SV2C: variants seen among roughly 807,000 people sequenced by gnomAD.
The protein encoded by SV2C is synaptic vesicle glycoprotein 2C.
In SV2C, 49 loss-of-function variants were observed where a neutral mutation model predicts 79.7. The ratio of observed to expected loss-of-function variants is 0.61; its 90% CI spans 0.49 to 0.78. The LOEUF (loss-of-function observed/expected upper bound fraction) is 0.78. SV2C is among the 30% of genes least tolerant of loss of function. The probability of loss-of-function intolerance (pLI) is 0.00; values close to 1 mark genes in which losing one functional copy is unlikely to be tolerated. For missense variants in SV2C, 833 were observed against 912.9 expected, an observed-to-expected ratio of 0.91 and a Z score of 1.13; for synonymous variants, 334 against 333.2, an observed-to-expected ratio of 1.00 and a Z score of -0.03.
At chr5:76,132,975 A>C in intron 2 of SV2C, among the ~76,000 whole-genome samples, 1 of 151,870 alleles carries the variant, frequency 6.6e-6, no homozygotes, top group East Asian at 1.9e-4. Context: ...TAAATATATA[A>C]ATATTTAAAT....
chr5:76,199,621 C>A (rs974865808), intron 3 of SV2C, among the ~76,000 whole-genome samples: 1 of 152,216 alleles, frequency 6.6e-6, no homozygotes, highest in Non-Finnish European at 1.5e-5. Flanking sequence ...TTCAACATTG[C>A]TTAATCGCCC....
intron 9 of SV2C, 89 bp from the exon 10 acceptor site, chr5:76,298,705 G>A (rs775561368): frequency 7.6e-6 from 11 of 1,451,338 alleles, no homozygotes; most frequent in Non-Finnish European, 1.0e-5. Flanking sequence ...CCATAGTGGG[G>A]CATTCCATCT....
At chr5:76,173,953 C>A (rs113058744) in intron 2 of SV2C, 8 of 1,567,792 alleles carry the variant, frequency 5.1e-6, no homozygotes, top group Non-Finnish European at 6.2e-6. Flanking sequence ...CTAATGCAAA[C>A]CCTTGTCCAT....
chr5:76,353,337 G>A (rs1749679073), exon 13 of SV2C: 1 of 214,320 alleles, frequency 4.7e-6, no homozygotes, highest in African/African-American at 2.4e-5. Flanking sequence ...CTTTATTGTT[G>A]TCTTTTTTCT....
chr5:76,042,185 C>T, the SV2C span, among the ~76,000 whole-genome samples: 18 of 152,094 alleles, frequency 1.2e-4, 2 homozygotes, highest in Admixed American at 9.8e-4. Context: ...CTTAATAACA[C>T]CTTAAATATT....
intron 2 of SV2C, among the ~76,000 whole-genome samples, chr5:76,192,346 G>T (rs974619960): frequency 1.3e-5 from 2 of 152,174 alleles, no homozygotes; most frequent in Non-Finnish European, 2.9e-5. Context: ...GAGAAGTGAG[G>T]ATCTAAAAGA....
chr5:75,993,436 T>C, the SV2C span, among the ~76,000 whole-genome samples: 1 of 151,682 alleles, frequency 6.6e-6, no homozygotes, highest in Non-Finnish European at 1.5e-5. Context: ...TGAGTGAAAA[T>C]CCTCCAGCTC....
At chr5:75,896,633 G>A in the SV2C span, among the ~76,000 whole-genome samples, 23 of 151,788 alleles carry the variant, frequency 1.5e-4, no homozygotes, top group African/African-American at 5.4e-4. Context: ...CCTCCCTGAG[G>A]AATCGTCACA....
chr5:75,930,853 G>A, the SV2C span, among the ~76,000 whole-genome samples: 5 of 152,226 alleles, frequency 3.3e-5, no homozygotes, highest in African/African-American at 4.8e-5. Flanking sequence ...ATAATGAGCA[G>A]GCTGGGTTGG....
At chr5:75,886,285 T>C in the SV2C span, among the ~76,000 whole-genome samples, 4 of 152,186 alleles carry the variant, frequency 2.6e-5, no homozygotes, top group Non-Finnish European at 4.4e-5. Flanking sequence ...AATCATATTC[T>C]GTCTCTTTTT....
the SV2C span, among the ~76,000 whole-genome samples, chr5:75,950,928 CAAAT>C: frequency 2.7e-4 from 41 of 151,964 alleles, no homozygotes; most frequent in African/African-American, 8.9e-4. Context: ...TGATCAAAGT[CAAAT>C]GAATGATTCC....
At position 76,293,463 on chromosome 5, in the gene SV2C, C is replaced by T. The variant is rs143081180; in HGVS notation, c.1337+1607C>T. Among the ~76,000 whole-genome samples, 279 of 152,226 alleles carry T rather than the reference C, an allele frequency of 1.8e-3. 1 individual carries two copies. The highest frequency in any genetic ancestry group is 6.2e-3 in the African/African-American group (257 of 41,514). Reference sequence around the variant, plus strand: ...TAGTGCCTAGTATTTAGTGCGTGTTCGGTAAATGTTTGCTAAATAAATGAC... The same window carrying T: ...TAGTGCCTAGTATTTAGTGCGTGTTTGGTAAATGTTTGCTAAATAAATGAC... On this transcript the variant is annotated intron_variant, in intron 8 of 12. Coordinates refer to ENST00000502798, the MANE Select transcript of SV2C (RefSeq NM_014979.4).
intron 1 of SV2C, chr5:76,084,049 A>G (rs1170957379): frequency 2.0e-5 from 3 of 152,388 alleles, no homozygotes; most frequent in African/African-American, 7.2e-5. Flanking sequence ...AGAGAGCCTG[A>G]AAGAAACACC....
intron 2 of SV2C, among the ~76,000 whole-genome samples, chr5:76,189,100 C>T (rs971259529): frequency 5.9e-5 from 9 of 151,890 alleles, no homozygotes; most frequent in Admixed American, 2.0e-4. Context: ...TTGACACAGG[C>T]GGAAGCTAGA....
At chr5:75,866,653 C>G in the SV2C span, among the ~76,000 whole-genome samples, 1 of 152,230 alleles carries the variant, frequency 6.6e-6, no homozygotes, top group Non-Finnish European at 1.5e-5. Context: ...AAATTCGTAT[C>G]TCCAGAATCC....
At chr5:76,236,569 T>A (rs1587618) in intron 4 of SV2C, among the ~76,000 whole-genome samples, 17,645 of 127,086 alleles carry the variant, frequency 0.14, 2,990 homozygotes, top group African/African-American at 0.41. Flanking sequence ...ATCAAAAAAA[T>A]AAAATAAAAT....
At chr5:75,920,662 G>C in the SV2C span, 1 of 670,104 alleles carries the variant, frequency 1.5e-6, no homozygotes, top group South Asian at 1.7e-5. Flanking sequence ...GGGAGGAACT[G>C]CCCTCACTCC....
the SV2C span, among the ~76,000 whole-genome samples, chr5:75,884,054 G>C: frequency 6.6e-6 from 1 of 152,112 alleles, no homozygotes; most frequent in African/African-American, 2.4e-5. Context: ...CTGGGGATCA[G>C]CAAAAGTGAT....
the SV2C span, among the ~76,000 whole-genome samples, chr5:75,955,445 G>C: frequency 6.6e-6 from 1 of 151,282 alleles, no homozygotes; most frequent in Non-Finnish European, 1.5e-5. Flanking sequence ...AAAAACCCTA[G>C]AAGAAAACTT....
Sources: allele counts gnomAD v4.1 joint callset (sites outside exome capture counted in the v4.1 genomes callset), GRCh38; gene constraint gnomAD v4.1.1; transcripts MANE v1.5; gene names NCBI Gene and HGNC (gene_info 2026-07-23, HGNC 2026-07-21).